Variants in GPBP1 observed in about 807,000 individuals in gnomAD.
GPBP1 encodes vasculin.
A neutral mutation model predicts 56.5 loss-of-function variants in GPBP1; 13 were observed. That is an observed-to-expected ratio of 0.23 (90% CI 0.15 to 0.37). The LOEUF (loss-of-function observed/expected upper bound fraction) is 0.37, where lower values mean the gene tolerates loss of function less well. Among genes scored for constraint, GPBP1 ranks in the 10% least tolerant of loss-of-function variants. GPBP1 has a pLI of 1.00. For synonymous variants in GPBP1, 204 were observed against 188.9 expected (o/e 1.08, Z -0.66); for missense variants, 477 against 572.3 (o/e 0.83, Z 1.70).
At chr5:57,190,694 CTTTTTTTTTTTT>C (rs773540051) in intron 2 of GPBP1, among the ~76,000 whole-genome samples, 4,621 of 69,040 alleles carry the variant, frequency 0.067, 213 homozygotes, top group Admixed American at 0.14. Flanking sequence ...TTGCTGTTAG[CTTTTTTTTTTTT>C]TTTTTTTTTT....
chr5:57,186,761 G>T (rs1225550473), intron 2 of GPBP1, among the ~76,000 whole-genome samples: 1 of 152,132 alleles, frequency 6.6e-6, no homozygotes, highest in Admixed American at 6.6e-5. Context: ...TGTGGAAACA[G>T]AGTCTCACTG....
At chr5:57,236,535 A>C (rs1756670835) in intron 6 of GPBP1, among the ~76,000 whole-genome samples, 1 of 152,024 alleles carries the variant, frequency 6.6e-6, no homozygotes, top group Non-Finnish European at 1.5e-5. Context: ...TCTATATTTG[A>C]AGTTATTTGT....
chr5:57,259,258 A>G (rs1438193998), intron 10 of GPBP1, among the ~76,000 whole-genome samples: 1 of 152,206 alleles, frequency 6.6e-6, no homozygotes, highest in African/African-American at 2.4e-5. Context: ...TTTTACTTAT[A>G]TGATCTTGAT....
intron 2 of GPBP1, among the ~76,000 whole-genome samples, chr5:57,212,962 G>A (rs1039923946): frequency 7.2e-5 from 11 of 151,940 alleles, no homozygotes; most frequent in African/African-American, 2.7e-4. Flanking sequence ...GATTATACGC[G>A]TGAGCCACAA....
chr5:57,221,668 C>A (rs1755965112), intron 3 of GPBP1, among the ~76,000 whole-genome samples: 1 of 152,104 alleles, frequency 6.6e-6, no homozygotes, highest in Admixed American at 6.6e-5. Flanking sequence ...ATTCAATAAT[C>A]TGTAGTTTTC....
chr5:57,193,071 C>G (rs1415098556), intron 2 of GPBP1, among the ~76,000 whole-genome samples: 1 of 152,178 alleles, frequency 6.6e-6, no homozygotes, highest in Non-Finnish European at 1.5e-5. Flanking sequence ...AATCCCAGCA[C>G]TTTGGGACGC....
chr5:57,178,365 C>T (rs1277185198), intron 2 of GPBP1, among the ~76,000 whole-genome samples: 1 of 152,144 alleles, frequency 6.6e-6, no homozygotes, highest in Non-Finnish European at 1.5e-5. Context: ...CTGCCTCAGC[C>T]TCGCCAGTAG....
intron 3 of GPBP1, among the ~76,000 whole-genome samples, chr5:57,223,836 A>AG (rs1756060139): frequency 6.7e-6 from 1 of 150,126 alleles, no homozygotes; most frequent in Non-Finnish European, 1.5e-5. Flanking sequence ...TGTTTATTTT[A>AG]TTTTATTTTA....
chr5:57,225,000 C>G (rs1344378094), intron 3 of GPBP1, among the ~76,000 whole-genome samples: 6 of 152,018 alleles, frequency 3.9e-5, no homozygotes, highest in Admixed American at 3.9e-4. Flanking sequence ...ATGCCCCCAT[C>G]TCATTCACAT....
chr5:57,206,383 ATTTAT>A (rs1456989809), intron 2 of GPBP1, among the ~76,000 whole-genome samples: 1 of 151,760 alleles, frequency 6.6e-6, no homozygotes, highest in Non-Finnish European at 1.5e-5. Flanking sequence ...TAGGTCTGTG[ATTTAT>A]TTTGAGTTTA....
At chr5:57,250,402 T>C (rs1339949358) in intron 9 of GPBP1, among the ~76,000 whole-genome samples, 2 of 152,182 alleles carry the variant, frequency 1.3e-5, no homozygotes, top group Non-Finnish European at 2.9e-5. Context: ...CTTTTGCTTG[T>C]CCCATCTTGC....
intron 2 of GPBP1, among the ~76,000 whole-genome samples, chr5:57,187,709 G>A (rs993930292): frequency 2.0e-5 from 3 of 152,034 alleles, no homozygotes; most frequent in Non-Finnish European, 4.4e-5. Context: ...TTAAAGTCAA[G>A]TGAAATAATG....
intron 2 of GPBP1, among the ~76,000 whole-genome samples, chr5:57,210,581 G>A (rs1380569906): frequency 6.6e-6 from 1 of 152,144 alleles, no homozygotes; most frequent in Non-Finnish European, 1.5e-5. Context: ...GTACCTGGTT[G>A]TTGTGTATGT....
At chr5:57,186,481 G>A (rs937000601) in intron 2 of GPBP1, among the ~76,000 whole-genome samples, 1 of 151,788 alleles carries the variant, frequency 6.6e-6, no homozygotes, top group Admixed American at 6.6e-5. Flanking sequence ...GTTTTCTCCT[G>A]TCTTGTAGAA....
chr5:57,188,681 T>G (rs1011608421), intron 2 of GPBP1, among the ~76,000 whole-genome samples: 11 of 152,058 alleles, frequency 7.2e-5, no homozygotes, highest in Non-Finnish European at 1.6e-4. Context: ...AGGCAGAGGT[T>G]GTAGTGAGCC....
At chr5:57,223,747 G>A (rs1756053160) in intron 3 of GPBP1, among the ~76,000 whole-genome samples, 2 of 150,026 alleles carry the variant, frequency 1.3e-5, no homozygotes, top group Admixed American at 6.6e-5. Context: ...TTGTGAGAAT[G>A]TAGACATTTT....
intron 2 of GPBP1, among the ~76,000 whole-genome samples, chr5:57,187,030 GTGTGTGTGTA>G (rs1467743947): frequency 2.6e-5 from 4 of 151,388 alleles, no homozygotes; most frequent in Admixed American, 6.6e-5. Flanking sequence ...GTGTGTGTGT[GTGTGTGTGTA>G]TGTATGTTTG....
intron 8 of GPBP1, among the ~76,000 whole-genome samples, chr5:57,247,715 A>T (rs1203923234): frequency 1.3e-5 from 2 of 151,676 alleles, no homozygotes; most frequent in South Asian, 4.2e-4. Flanking sequence ...GATGGGGGGG[A>T]ATTCCAAACA....
chr5:57,251,863 T>C (rs1438212558), intron 10 of GPBP1, among the ~76,000 whole-genome samples: 1 of 152,310 alleles, frequency 6.6e-6, no homozygotes, highest in East Asian at 1.9e-4. Context: ...CATCTATCTT[T>C]GATTACAGTC....
Sources: gnomAD v4.1 joint callset for allele counts (sites outside exome capture counted in the v4.1 genomes callset) on GRCh38, gnomAD v4.1.1 for gene constraint, MANE v1.5 for transcripts, NCBI Gene and HGNC (gene_info 2026-07-23, HGNC 2026-07-21) for gene names.